ABI3BP: variants seen among roughly 807,000 people sequenced by gnomAD.
ABI3BP encodes ABI family member 3 binding protein.
A neutral mutation model predicts 268.6 loss-of-function variants in ABI3BP; 216 were observed. The observed-to-expected ratio is 0.80, with a 90% CI of 0.72 to 0.90. The LOEUF is 0.90. Ranked by LOEUF, ABI3BP falls within the 40% of genes least tolerant of loss-of-function variation. ABI3BP has a pLI of 0.00. For synonymous variants in ABI3BP, 730 were observed against 730.0 expected, an observed-to-expected ratio of 1.00 and a Z score of 0.00; for missense variants, 2,090 against 2,182.4, an observed-to-expected ratio of 0.96 and a Z score of 0.84.
intron 1 of ABI3BP, among the ~76,000 whole-genome samples, chr3:100,988,166 A>G (rs918529199): frequency 6.6e-6 from 1 of 152,130 alleles, no homozygotes; most frequent in African/African-American, 2.4e-5. Flanking sequence ...ATAAGCATCA[A>G]CCACCTCTTG....
At chr3:100,856,223 C>T (rs570837342) in intron 14 of ABI3BP, among the ~76,000 whole-genome samples, 1 of 152,302 alleles carries the variant, frequency 6.6e-6, no homozygotes, top group Non-Finnish European at 1.5e-5. Context: ...TAGCAAACCA[C>T]CTGCTGCCAA....
At chr3:100,939,495 T>A (rs528330374) in intron 1 of ABI3BP, among the ~76,000 whole-genome samples, 1 of 152,040 alleles carries the variant, frequency 6.6e-6, no homozygotes, top group Non-Finnish European at 1.5e-5. Context: ...GGGGAAGACA[T>A]CACGTGTCGG....
chr3:100,959,333 A>T (rs1367019279), intron 1 of ABI3BP, among the ~76,000 whole-genome samples: 2 of 151,294 alleles, frequency 1.3e-5, no homozygotes, highest in East Asian at 3.9e-4. Context: ...TACTAAAAAT[A>T]CAAAAAATTA....
At chr3:100,789,609 T>A (rs2097144697) in intron 55 of ABI3BP, 93 bp from the exon 56 acceptor site, 2 of 1,210,022 alleles carry the variant, frequency 1.7e-6, no homozygotes, top group Admixed American at 4.5e-5. Context: ...ACTCATACAC[T>A]TTGCATGGAC....
At chr3:100,838,498 G>A in intron 24 of ABI3BP, 34 bp from the exon 25 acceptor site, 1 of 1,480,810 alleles carries the variant, frequency 6.8e-7, no homozygotes, top group Non-Finnish European at 9.1e-7. Flanking sequence ...ACCACAATGG[G>A]TCATGGCTGT....
At chr3:100,893,716 A>C (rs1404137537) in intron 4 of ABI3BP, among the ~76,000 whole-genome samples, 2 of 152,162 alleles carry the variant, frequency 1.3e-5, no homozygotes, top group Non-Finnish European at 2.9e-5. Flanking sequence ...AGTAGCTTAG[A>C]ATACATAACA....
chr3:100,971,036 C>T (rs764021563), intron 1 of ABI3BP, among the ~76,000 whole-genome samples: 5 of 152,146 alleles, frequency 3.3e-5, no homozygotes, highest in Admixed American at 6.5e-5. Flanking sequence ...ATAACTGTTT[C>T]AAGGAATTTT....
intron 1 of ABI3BP, among the ~76,000 whole-genome samples, chr3:100,936,619 T>G (rs1001440947): frequency 6.6e-6 from 1 of 152,096 alleles, no homozygotes; most frequent in African/African-American, 2.4e-5. Flanking sequence ...ACTTTTTTTT[T>G]GGTTGTTAGG....
chr3:100,934,634 TC>T (rs951629311), intron 1 of ABI3BP, among the ~76,000 whole-genome samples: 22 of 152,264 alleles, frequency 1.4e-4, no homozygotes, highest in South Asian at 6.2e-4. Context: ...CCACATCCTC[TC>T]CAGCATCTGT....
intron 9 of ABI3BP, among the ~76,000 whole-genome samples, chr3:100,870,645 C>CA (rs1181464877): frequency 3.3e-5 from 5 of 152,072 alleles, no homozygotes; most frequent in Non-Finnish European, 5.9e-5. Context: ...GGAGTTTCCT[C>CA]AAAAAATTAA....
At chr3:100,811,834 G>C in intron 46 of ABI3BP, 35 bp from the exon 47 acceptor site, 4 of 1,482,802 alleles carry the variant, frequency 2.7e-6, no homozygotes, top group Non-Finnish European at 3.6e-6. Context: ...GTTAGTGGTG[G>C]CCAACCCAAA....
intron 51 of ABI3BP, among the ~76,000 whole-genome samples, chr3:100,796,972 G>A (rs112175938): frequency 0.017 from 2,518 of 152,108 alleles, 32 homozygotes; most frequent in Middle Eastern, 0.031. Flanking sequence ...GGCACTTACC[G>A]TTGCTGGGGG....
intron 9 of ABI3BP, among the ~76,000 whole-genome samples, chr3:100,869,330 G>GTTATTTTTTTTTTTTTTTT (rs2099085592): frequency 2.0e-5 from 1 of 49,754 alleles, no homozygotes; most frequent in East Asian, 7.7e-4. Flanking sequence ...CTTCTTTTTG[G>GTTATTTTTTTTTTTTTTTT]TTTTTTTTTT....
At chr3:100,764,208 G>A (rs916089782) in intron 63 of ABI3BP, among the ~76,000 whole-genome samples, 1 of 152,108 alleles carries the variant, frequency 6.6e-6, no homozygotes, top group Non-Finnish European at 1.5e-5. Flanking sequence ...CTCAGACCAG[G>A]TGTCACCTTC....
intron 6 of ABI3BP, among the ~76,000 whole-genome samples, chr3:100,882,851 C>T (rs2040079006): frequency 6.6e-6 from 1 of 152,078 alleles, no homozygotes; most frequent in Non-Finnish European, 1.5e-5. Flanking sequence ...CATGGAGTCA[C>T]ATGAAAGGTT....
chr3:100,749,459 G>A lies in ABI3BP; in HGVS notation c.*1036C>T. The A allele has an allele frequency of 2.5e-6, 1 of 393,228 alleles. No homozygotes were observed. The highest frequency in any genetic ancestry group is 4.5e-6 in the Non-Finnish European group (1 of 222,700). 24.4% of individuals were successfully genotyped at this position (393,228 alleles called of 1,614,324 possible). ...AGGGAAAGGTCCTTTCAGAATGACT[G>A]CAACAGTGCAGCAAGGATTCCCATT... On this transcript the variant is annotated 3_prime_UTR_variant, in exon 68 of 68. Transcript: ENST00000471714.
chr3:100,843,542 T>TGA lies in ABI3BP; in HGVS notation c.1724-1505_1724-1504dup, dbSNP rs35241411. ...GGATGTGTGTGTGTGTGTGTGTGTG[T>TGA]GAGAGAGAGAGAGAGAGAGAGAGAG... On this transcript the variant is annotated intron_variant, in intron 20 of 67. Transcript: ENST00000471714. 0.011 allele frequency: 9,633 copies of TGA among 849,562 alleles called. 586 individuals are homozygous for TGA. In the African/African-American group the frequency reaches 0.17, roughly 15 times the overall value. The allele number at this position is 849,562 out of a possible 1,614,324, so 52.6% of individuals were successfully genotyped here. A position where few individuals can be genotyped will look rare whatever the true frequency, so the allele number is the denominator to read the frequency against.
At position 100,823,502 on chromosome 3, in the gene ABI3BP, A is replaced by G; in HGVS notation, c.2759T>C (p.Val920Ala). ...AGGTCTAAGAGTGACAGGTTCTAGG[A>G]CTGTAGCAGGAACTGACCAAAACAA... ...APETKPVPAT[V>A]LEPVTLRPEA... The change falls in exon 37 of 68, where the codon GTC (valine) becomes GCC (alanine). Residue 920 changes from valine to alanine, a missense_variant. Transcript: ENST00000471714. The G allele has an allele frequency of 2.6e-6, 4 of 1,534,280 alleles. No homozygotes were observed. Among genetic ancestry groups the G allele is most frequent in the Non-Finnish European group, 3.5e-6 (4 of 1,145,964 alleles).
intron 59 of ABI3BP, among the ~76,000 whole-genome samples, chr3:100,776,323 G>A (rs552260294): frequency 1.3e-5 from 2 of 152,190 alleles, no homozygotes; most frequent in African/African-American, 2.4e-5. Context: ...GCATGTTCCT[G>A]ACCCTAGTGA....
Sources: gnomAD v4.1 joint callset for allele counts (sites outside exome capture counted in the v4.1 genomes callset) on GRCh38, gnomAD v4.1.1 for gene constraint, MANE v1.5 for transcripts, NCBI Gene and HGNC (gene_info 2026-07-23, HGNC 2026-07-21) for gene names.